Variants in FGR observed in about 807,000 individuals in gnomAD.
FGR encodes the protein tyrosine-protein kinase Fgr.
In FGR, 26 loss-of-function variants were observed where a neutral mutation model predicts 63.2. The observed-to-expected ratio is 0.41, with a 90% CI of 0.30 to 0.57. The LOEUF (loss-of-function observed/expected upper bound fraction) is 0.57, where lower values mean the gene tolerates loss of function less well. Ranked by LOEUF, FGR falls within the 20% of genes least tolerant of loss-of-function variation. The pLI is 0.27. For synonymous variants in FGR, 286 were observed against 277.7 expected (o/e 1.03, Z -0.30); for missense variants, 511 against 690.8 (o/e 0.74, Z 2.92).
At chr1:27,623,548 C>T (rs776245365) in intron 3 of FGR, 143 bp downstream of exon 3, 11 of 835,330 alleles carry the variant, frequency 1.3e-5, no homozygotes, top group Non-Finnish European at 1.8e-5. Context: ...TGTACAGACT[C>T]CCTCAGCCCA....
In FGR at chr1:27,623,763, T is replaced by C; in HGVS notation, c.154A>G (p.Asn52Asp). Residue 52 changes from asparagine to aspartate, a missense_variant, in exon 3 of 13, where the codon AAC (asparagine) becomes GAC (aspartate). Asn to Asp is a conservative substitution (Grantham distance 23). Transcript: ENST00000374005. Reference sequence around the variant, plus strand: ...GCCTGAGAGGAGAAGTTGCTGTAGTTGGGGATGTGGGCAAATGAGGATGCA... The same window carrying C: ...GCCTGAGAGGAGAAGTTGCTGTAGTCGGGGATGTGGGCAAATGAGGATGCA... ...RPASSFAHIPNYSNFSSQAIN... is the reference protein window; with the variant it reads ...RPASSFAHIPDYSNFSSQAIN... 1 of 1,614,206 alleles carries C rather than the reference T, an allele frequency of 6.2e-7. No individual in the cohort carries two copies. Among genetic ancestry groups the C allele is most frequent in the Non-Finnish European group, 8.5e-7 (1 of 1,180,032 alleles).
chr1:27,629,346 A>T (rs566382827), intron 1 of FGR, among the ~76,000 whole-genome samples: 1 of 152,370 alleles, frequency 6.6e-6, no homozygotes, highest in Non-Finnish European at 1.5e-5. Flanking sequence ...GACACACAGA[A>T]TGAACTCCCC....
In FGR at chr1:27,617,025, T is replaced by A; in HGVS notation, c.533-19A>T. On this transcript the variant is annotated intron_variant, in intron 6 of 12. Coordinates refer to ENST00000374005, the MANE Select transcript of FGR (RefSeq NM_005248.3). The surrounding 1 kb of genome is among the most constrained non-coding windows in gnomAD (Gnocchi z 4.5). Reference sequence around the variant, plus strand: ...TAGGCACCTGTGGAGAGGATCACTTTTGATCTGCTGTTCTCCTCTGCCCTA... The same window carrying A: ...TAGGCACCTGTGGAGAGGATCACTTATGATCTGCTGTTCTCCTCTGCCCTA... 1 of 1,613,954 alleles carries A rather than the reference T, an allele frequency of 6.2e-7. No individual in the cohort carries two copies. The highest frequency in any genetic ancestry group is 2.2e-5 in the East Asian group (1 of 44,892).
At chr1:27,634,213 C>T (rs2090145839) in intron 1 of FGR, among the ~76,000 whole-genome samples, 3 of 152,186 alleles carry the variant, frequency 2.0e-5, no homozygotes, top group Non-Finnish European at 2.9e-5. Context: ...TGGAGGCAGC[C>T]CCTGCGGGCA....
In FGR at chr1:27,617,167, G is replaced by T. The variant is rs373660635; in HGVS notation, c.532+26C>A. 3.7e-5 allele frequency: 59 copies of T among 1,605,950 alleles called. 1 individual carries two copies. Among genetic ancestry groups the T allele is most frequent in the Admixed American group, 1.5e-4 (9 of 59,972 alleles). ...ACCCCAATGGCTGGGCCTCCCAGTC[G>T]CCTTGGGGCGTGGCACCACCCCTAC... On this transcript the variant is annotated intron_variant, in intron 6 of 12. Transcript: ENST00000374005. The surrounding 1 kb of genome is among the most constrained non-coding windows in gnomAD (Gnocchi z 4.5).
intron 11 of FGR, among the ~76,000 whole-genome samples, 170 bp downstream of exon 11, chr1:27,614,260 G>T (rs2089754650): frequency 6.6e-6 from 1 of 152,210 alleles, no homozygotes; most frequent in Non-Finnish European, 1.5e-5. Context: ...AAGGCCACAT[G>T]GCTGGTAAGT....
At position 27,614,458 on chromosome 1, in the gene FGR, G is replaced by C. The variant is rs767460030; in HGVS notation, c.1221C>G (p.Ile407Met). ...GGCAGGGGTTGTACTCATCGTCCTT[G>C]ATGAGACGCGCCAAGCCAAAGTCTG... is the stretch of plus-strand genomic sequence containing the variant. The part of the protein sequence containing the change: ...KIADFGLARL[I>M]KDDEYNPCQG... Residue 407 changes from isoleucine to methionine, a missense_variant, in exon 11 of 13, where the codon ATC becomes ATG. Physicochemically the swap from Ile to Met is conservative, Grantham distance 10. Transcript: ENST00000374005. 1.2e-6 allele frequency: 2 copies of C among 1,613,590 alleles called. No individual in the cohort carries two copies. The highest frequency in any genetic ancestry group is 1.7e-5 in the Admixed American group (1 of 59,946).
At chr1:27,626,238 G>C (rs114900629) in intron 1 of FGR, 299 of 398,702 alleles carry the variant, frequency 7.5e-4, no homozygotes, top group African/African-American at 5.4e-3. Context: ...GCAACACTCA[G>C]AGAGGAACCG....
intron 11 of FGR, among the ~76,000 whole-genome samples, chr1:27,613,789 T>C (rs2089745925): frequency 6.6e-6 from 1 of 150,900 alleles, no homozygotes; most frequent in Non-Finnish European, 1.5e-5. Context: ...TCTCTGGGCA[T>C]AGTAGAAAGG....
chr1:27,625,667 G>A (rs753292728), intron 1 of FGR, among the ~76,000 whole-genome samples: 1 of 152,176 alleles, frequency 6.6e-6, no homozygotes, highest in Non-Finnish European at 1.5e-5. Context: ...CCGGCCAGGC[G>A]CAGTGGCTCA....
rs772979438 is a variant in FGR at position 27,623,699 on chromosome 1, C to A, written c.218G>T (p.Gly73Val). 2 of 1,614,150 alleles carry A rather than the reference C, an allele frequency of 1.2e-6. No individual in the cohort carries two copies. The highest frequency in any genetic ancestry group is 1.7e-6 in the Non-Finnish European group (2 of 1,179,992). The change falls in exon 3 of 13, where the codon GGT (glycine) becomes GTT (valine). Residue 73 changes from glycine (G) to valine (V), a missense_variant. By Grantham distance (109) the Gly-to-Val change is moderately radical. Transcript: ENST00000374005. ...CGACCCCTTGGACTCACCTGACACA[C>A]CCCTGATGGTGCCACTATCAAGGAA... is the stretch of plus-strand genomic sequence containing the variant. Reference protein sequence around the residue: ...PGFLDSGTIRGVSGIGVTLFI... With the variant: ...PGFLDSGTIRVVSGIGVTLFI...
At chr1:27,614,072 C>T (rs925478464) in intron 11 of FGR, among the ~76,000 whole-genome samples, 3 of 152,228 alleles carry the variant, frequency 2.0e-5, no homozygotes, top group Non-Finnish European at 4.4e-5. Flanking sequence ...GGGATTCATA[C>T]TCAGGCATTC....
Position 27,623,103 on chromosome 1 carries a change from C to G in FGR, c.268G>C (p.Ala90Pro), listed in dbSNP as rs1557735093. Residue 90 changes from alanine to proline, a missense_variant, in exon 4 of 13, where the codon GCT becomes CCT. By Grantham distance (27) the Ala-to-Pro change is conservative (BLOSUM62 -1). Transcript: ENST00000374005. ...TLFIALYDYE[A>P]RTEDDLTFTK... ...AAGGTGAGGTCATCCTCAGTTCGAG[C>G]CTCATAGTCATACAGGGCAATGAAC... 21 of 1,614,136 alleles carry G rather than the reference C, an allele frequency of 1.3e-5. No homozygotes were observed. The highest frequency in any genetic ancestry group is 1.8e-5 in the Non-Finnish European group (21 of 1,180,000).
At chr1:27,623,983 T>C (rs2089976458) in intron 2 of FGR, 54 bp from the exon 3 acceptor site, 1 of 1,429,134 alleles carries the variant, frequency 7.0e-7, no homozygotes, top group Non-Finnish European at 9.5e-7. Context: ...CACCACCCTG[T>C]GCACACACGC....
At chr1:27,622,890 C>T in intron 4 of FGR, 152 bp downstream of exon 4, 1 of 621,278 alleles carries the variant, frequency 1.6e-6, no homozygotes, top group Admixed American at 2.3e-5. Flanking sequence ...CCTCAACCAG[C>T]ACACAGTTGC....
rs762460007 is a variant in FGR at position 27,613,010 on chromosome 1, G to A, written c.1494C>T (p.Asp498=). 10 of 1,614,090 alleles carry A rather than the reference G, an allele frequency of 6.2e-6. No homozygotes were observed. The highest frequency in any genetic ancestry group is 2.2e-5 in the South Asian group (2 of 91,092). The part of the protein sequence containing the change: ...YEAMEQTWRL[D]PEERPTFEYL... The stretch of plus-strand genomic sequence containing the variant: ...ACTCGAAGGTAGGCCTCTCCTCCGG[G>A]TCCAGACGCCAGGTCTGTTCCATGG... Residue 498 remains aspartate, a synonymous_variant, in exon 13 of 13, where the codon GAC becomes GAT. Coordinates refer to ENST00000374005, the MANE Select transcript of FGR (RefSeq NM_005248.3).
intron 4 of FGR, among the ~76,000 whole-genome samples, chr1:27,622,747 C>T (rs1204215028): frequency 6.6e-6 from 1 of 152,178 alleles, no homozygotes; most frequent in Non-Finnish European, 1.5e-5. Context: ...CTCAGGTGAT[C>T]CACCCGCCTT....
At position 27,623,845 on chromosome 1, in the gene FGR, G is replaced by A. The variant is rs776197101; in HGVS notation, c.72C>T (p.Asp24=). 1.4e-5 allele frequency: 23 copies of A among 1,613,668 alleles called. 3 individuals carry two copies. In the South Asian group the frequency reaches 2.5e-4, roughly 18 times the overall value. The change falls in exon 3 of 13, where the codon GAC becomes GAT. Residue 24 remains aspartate, a synonymous_variant. Transcript: ENST00000374005. ...GGTCTGCTGCCCCGTAGCTTCTGAA[G>A]TCCCCTTCCAGGCCAGCATCCTCCT... ...TAKEDAGLEG[D]FRSYGAADHY... is the part of the protein sequence containing the mutation.
At chr1:27,614,630 A>G in intron 10 of FGR, 47 bp from the exon 11 acceptor site, 1 of 1,602,968 alleles carries the variant, frequency 6.2e-7, no homozygotes, top group Non-Finnish European at 8.5e-7. Flanking sequence ...TGGACTCACA[A>G]CACCGTGGCC....
Sources: gnomAD v4.1 joint callset for allele counts (sites outside exome capture counted in the v4.1 genomes callset) on GRCh38, gnomAD v4.1.1 for gene constraint, Gnocchi (gnomAD v3.1) non-coding constraint, MANE v1.5 for transcripts, NCBI Gene and HGNC (gene_info 2026-07-23, HGNC 2026-07-21) for gene names.